The following HS6ST3 variants were observed in gnomAD, a reference collection of about 807,000 sequenced individuals.
HS6ST3 encodes the protein heparan-sulfate 6-O-sulfotransferase 3.
In HS6ST3, 12 loss-of-function variants were observed where a neutral mutation model predicts 36.7. The observed-to-expected ratio is 0.33, with a 90% CI of 0.21 to 0.53. The LOEUF (loss-of-function observed/expected upper bound fraction) is 0.53. Ranked by LOEUF, HS6ST3 falls within the 20% of genes least tolerant of loss-of-function variation. The pLI, the probability that HS6ST3 is intolerant of heterozygous loss-of-function variation, is 0.95. For synonymous variants in HS6ST3, 240 were observed against 257.5 expected, an observed-to-expected ratio of 0.93 and a Z score of 0.65; for missense variants, 584 against 640.9, an observed-to-expected ratio of 0.91 and a Z score of 0.96.
In HS6ST3 at chr13:96,652,362, C is replaced by T. The variant is rs532252480; in HGVS notation, c.708-180128C>T. Among the ~76,000 whole-genome samples the T allele has an allele frequency of 2.6e-5, 4 of 151,816 alleles. No individual in the cohort carries two copies. In the South Asian group the frequency reaches 6.2e-4, roughly 24 times the overall value. ...CCTTTCCTCTCCCCATTTTTCTTTTCCTTTCTTCCATTTCTTTCCTCCCTC... is the reference window on the plus strand; with the variant it reads ...CCTTTCCTCTCCCCATTTTTCTTTTTCTTTCTTCCATTTCTTTCCTCCCTC... On this transcript the variant is annotated intron_variant, in intron 1 of 1. Transcript: ENST00000376705.
chr13:96,806,461 CAT>C (rs1329802492), intron 1 of HS6ST3, among the ~76,000 whole-genome samples: 1 of 152,142 alleles, frequency 6.6e-6, no homozygotes, highest in Non-Finnish European at 1.5e-5. Flanking sequence ...CCTCTGGGAA[CAT>C]GTGGAAATGT....
At chr13:96,686,795 A>G (rs1874792914) in intron 1 of HS6ST3, among the ~76,000 whole-genome samples, 1 of 152,100 alleles carries the variant, frequency 6.6e-6, no homozygotes, top group African/African-American at 2.4e-5. Flanking sequence ...CTTAGAAGAT[A>G]ACAGTACATA....
chr13:96,571,720 T>G lies in HS6ST3; in HGVS notation c.708-260770T>G, dbSNP rs149799974. 2.6e-3 allele frequency among the ~76,000 whole-genome samples: 397 copies of G among 152,302 alleles called. 1 individual carries two copies. The highest frequency in any genetic ancestry group is 9.1e-3 in the African/African-American group (377 of 41,566). ...AGGTGCTATCATTTTTCCTTGACAT[T>G]ATAATGGTTTAGGGATAGTTGACTC... On this transcript the variant is annotated intron_variant, in intron 1 of 1. Coordinates refer to ENST00000376705, the MANE Select transcript of HS6ST3 (RefSeq NM_153456.4).
intron 1 of HS6ST3, among the ~76,000 whole-genome samples, chr13:96,566,543 T>C (rs1389377710): frequency 1.3e-5 from 2 of 152,156 alleles, no homozygotes; most frequent in Non-Finnish European, 2.9e-5. Flanking sequence ...AATGAGTTTA[T>C]TCTTGAACGA....
chr13:96,832,791 C>T lies in HS6ST3; in HGVS notation c.1009C>T (p.Leu337=). The change falls in exon 2 of 2, where the codon CTG becomes TTG. Residue 337 remains leucine, a synonymous_variant. Coordinates refer to ENST00000376705, the MANE Select transcript of HS6ST3 (RefSeq NM_153456.4). ...GAACGAGAGTGAAAGAAACACCATC[C>T]TGTTGCAGAGTGCAAAGAACAACCT... The part of the protein sequence containing the change: ...FMNESERNTI[L]LQSAKNNLKN... 6.2e-7 allele frequency: 1 copy of T among 1,614,202 alleles called. No individual in the cohort carries two copies. Among genetic ancestry groups the T allele is most frequent in the South Asian group, 1.1e-5 (1 of 91,086 alleles).
intron 1 of HS6ST3, among the ~76,000 whole-genome samples, chr13:96,628,800 C>T (rs1320798065): frequency 6.6e-6 from 1 of 151,476 alleles, no homozygotes. Context: ...CCTTTTACAT[C>T]CTTATATGTT....
chr13:96,395,139 G>GGA (rs1396345965), intron 1 of HS6ST3, among the ~76,000 whole-genome samples: 10 of 152,254 alleles, frequency 6.6e-5, no homozygotes, highest in African/African-American at 2.2e-4. Context: ...GTATTGGAGA[G>GGA]ACTCTATTCC....
At chr13:96,501,338 A>C (rs906194031) in intron 1 of HS6ST3, among the ~76,000 whole-genome samples, 4 of 152,176 alleles carry the variant, frequency 2.6e-5, no homozygotes, top group Non-Finnish European at 5.9e-5. Flanking sequence ...CACTACTGTA[A>C]TATACTTTTT....
At chr13:96,730,593 G>A (rs1876125696) in intron 1 of HS6ST3, among the ~76,000 whole-genome samples, 1 of 151,812 alleles carries the variant, frequency 6.6e-6, no homozygotes, top group South Asian at 2.1e-4. Context: ...TTTGAGACAG[G>A]GTCTCACCCT....
intron 1 of HS6ST3, among the ~76,000 whole-genome samples, chr13:96,625,840 C>CTT (rs879864974): frequency 2.8e-5 from 4 of 141,716 alleles, no homozygotes; most frequent in Non-Finnish European, 4.6e-5. Flanking sequence ...AATTCTTCTT[C>CTT]TTTTTTTTTT....
chr13:96,184,857 C>T (rs1420009333), intron 1 of HS6ST3, among the ~76,000 whole-genome samples: 1 of 152,044 alleles, frequency 6.6e-6, no homozygotes, highest in African/African-American at 2.4e-5. Flanking sequence ...TAGGGGAATA[C>T]AAATTCCACG....
At chr13:96,496,954 C>A (rs1457454623) in intron 1 of HS6ST3, among the ~76,000 whole-genome samples, 1 of 152,038 alleles carries the variant, frequency 6.6e-6, no homozygotes, top group Non-Finnish European at 1.5e-5. Flanking sequence ...TTGTGTGCTG[C>A]CCCGGTGGTG....
At chr13:96,688,329 G>A (rs1420916139) in intron 1 of HS6ST3, among the ~76,000 whole-genome samples, 1 of 151,832 alleles carries the variant, frequency 6.6e-6, no homozygotes, top group South Asian at 2.1e-4. Context: ...AGGGAGCGTG[G>A]ATGAATGCTG....
At chr13:96,728,610 A>G (rs2138474733) in intron 1 of HS6ST3, among the ~76,000 whole-genome samples, 1 of 152,248 alleles carries the variant, frequency 6.6e-6, no homozygotes, top group East Asian at 1.9e-4. Context: ...GAATTATAAT[A>G]TCAATGATCT....
chr13:96,132,006 G>T (rs578144277), intron 1 of HS6ST3, among the ~76,000 whole-genome samples: 2 of 151,870 alleles, frequency 1.3e-5, no homozygotes, highest in South Asian at 4.2e-4. Context: ...AGATCATGTG[G>T]TACTTGTCTT....
intron 1 of HS6ST3, among the ~76,000 whole-genome samples, chr13:96,244,247 G>T (rs1594729303): frequency 6.6e-6 from 1 of 151,996 alleles, no homozygotes; most frequent in African/African-American, 2.4e-5. Context: ...GCAAATTCTT[G>T]AACTGCAACT....
At chr13:96,675,993 A>G (rs2056697716) in intron 1 of HS6ST3, among the ~76,000 whole-genome samples, 1 of 152,080 alleles carries the variant, frequency 6.6e-6, no homozygotes, top group Non-Finnish European at 1.5e-5. Flanking sequence ...CAGCCTAGAG[A>G]TGAGTTCCCC....
intron 1 of HS6ST3, among the ~76,000 whole-genome samples, chr13:96,419,007 C>T (rs988363250): frequency 6.6e-6 from 1 of 152,192 alleles, no homozygotes; most frequent in African/African-American, 2.4e-5. Flanking sequence ...CCGATAAATG[C>T]CTTCTTGATT....
chr13:96,608,970 T>C (rs1035168982), intron 1 of HS6ST3, among the ~76,000 whole-genome samples: 2 of 151,850 alleles, frequency 1.3e-5, no homozygotes, highest in Admixed American at 1.3e-4. Context: ...TATTTATTTA[T>C]ATTTATTTAT....
Sources: gnomAD v4.1 joint callset for allele counts (sites outside exome capture counted in the v4.1 genomes callset) on GRCh38, gnomAD v4.1.1 for gene constraint, MANE v1.5 for transcripts, NCBI Gene and HGNC (gene_info 2026-07-23, HGNC 2026-07-21) for gene names.